CISD2: variants seen among roughly 807,000 people sequenced by gnomAD.
CISD2 encodes CDGSH iron sulfur domain 2, also known as CDGSH iron-sulfur domain-containing protein 2.
A neutral mutation model predicts 12.9 loss-of-function variants in CISD2; 1 was observed. The observed-to-expected ratio is 0.08, with a 90% CI of 0.03 to 0.37. The LOEUF (loss-of-function observed/expected upper bound fraction) is 0.37, where lower values mean the gene tolerates loss of function less well. Ranked by LOEUF, CISD2 falls within the 10% of genes least tolerant of loss-of-function variation. The pLI is 0.99. For synonymous variants in CISD2, 50 were observed against 60.6 expected (o/e 0.83, Z 0.81); for missense variants, 97 against 163.1 (o/e 0.59, Z 2.21).
chr4:102,875,946 G>T (rs1482554757), intron 1 of CISD2, among the ~76,000 whole-genome samples: 1 of 152,140 alleles, frequency 6.6e-6, no homozygotes, highest in African/African-American at 2.4e-5. Context: ...CTGCTTAAAG[G>T]TTCTTTTTTC....
Position 102,891,771 on chromosome 4 carries a change from C to A in CISD2, c.*4341C>A, listed in dbSNP as rs946942701. 2 of 152,088 alleles carry A rather than the reference C, an allele frequency of 1.3e-5. No homozygotes were observed. The highest frequency in any genetic ancestry group is 2.4e-5 in the African/African-American group (1 of 41,412). 9.4% of individuals were successfully genotyped at this position (152,088 alleles called of 1,614,324 possible). Reference sequence around the variant, plus strand: ...TGAGGAAAACTAAATAAAGCAGTAGCAATTTAAGTCATAATAAATTTTGTT... The same window carrying A: ...TGAGGAAAACTAAATAAAGCAGTAGAAATTTAAGTCATAATAAATTTTGTT... On this transcript the variant is annotated 3_prime_UTR_variant, in exon 3 of 3. Transcript: ENST00000273986.
intron 2 of CISD2, among the ~76,000 whole-genome samples, chr4:102,886,793 T>C (rs1733947286): frequency 6.6e-6 from 1 of 152,078 alleles, no homozygotes; most frequent in Non-Finnish European, 1.5e-5. Flanking sequence ...TTTGTATTTT[T>C]AGTTAGAGAT....
intron 1 of CISD2, among the ~76,000 whole-genome samples, chr4:102,878,430 G>C (rs1337993494): frequency 6.6e-6 from 1 of 152,086 alleles, no homozygotes; most frequent in East Asian, 1.9e-4. Context: ...GCACCCAGCT[G>C]GGTTTTTCTT....
At chr4:102,880,551 G>A (rs191916229) in intron 1 of CISD2, among the ~76,000 whole-genome samples, 4 of 152,022 alleles carry the variant, frequency 2.6e-5, no homozygotes, top group Non-Finnish European at 4.4e-5. Flanking sequence ...GGTGGCGCAC[G>A]TCCATAATCC....
chr4:102,879,264 A>G (rs968728627), intron 1 of CISD2, among the ~76,000 whole-genome samples: 2 of 152,042 alleles, frequency 1.3e-5, no homozygotes, highest in Middle Eastern at 3.4e-3. Flanking sequence ...GTAAATATTT[A>G]ATTTTTATAG....
intron 1 of CISD2, among the ~76,000 whole-genome samples, chr4:102,878,261 G>A (rs926433315): frequency 8.6e-5 from 13 of 151,946 alleles, no homozygotes; most frequent in East Asian, 3.9e-4. Flanking sequence ...TCAGCCTCCC[G>A]AGTAGAACTA....
intron 1 of CISD2, among the ~76,000 whole-genome samples, chr4:102,881,054 G>A (rs891301679): frequency 8.6e-5 from 13 of 151,526 alleles, no homozygotes; most frequent in African/African-American, 3.2e-4. Flanking sequence ...TCCTTTCAAA[G>A]TATCTAAAAT....
chr4:102,874,421 A>G (rs1733543614), intron 1 of CISD2: 1 of 152,216 alleles, frequency 6.6e-6, no homozygotes, highest in Admixed American at 6.5e-5. Context: ...AAACCTCAGC[A>G]TCACACAATA....
At position 102,891,633 on chromosome 4, in the gene CISD2, T is replaced by G. The variant is rs1369734748; in HGVS notation, c.*4203T>G. ...TGGAAAATTTATATGTAAAATATAT[T>G]GACTTACTCGATGATTGGAGGCTTT... On this transcript the variant is annotated 3_prime_UTR_variant, in exon 3 of 3. Coordinates refer to ENST00000273986, the MANE Select transcript of CISD2 (RefSeq NM_001008388.5). 6.6e-6 allele frequency: 1 copy of G among 152,240 alleles called. No homozygotes were observed. The highest frequency in any genetic ancestry group is 1.5e-5 in the Non-Finnish European group (1 of 68,038). The allele number at this position is 152,240 out of a possible 1,614,324, so 9.4% of individuals were successfully genotyped here.
intron 1 of CISD2, 200 bp downstream of exon 1, chr4:102,869,387 A>G (rs1282207416): frequency 2.7e-6 from 2 of 743,892 alleles, no homozygotes; most frequent in South Asian, 1.5e-5. Context: ...TTGATGCCCC[A>G]GGGTCTTTTG....
chr4:102,891,638 T>C lies in CISD2; in HGVS notation c.*4208T>C, dbSNP rs1734254240. On this transcript the variant is annotated 3_prime_UTR_variant, in exon 3 of 3. Coordinates refer to ENST00000273986, the MANE Select transcript of CISD2 (RefSeq NM_001008388.5). ...AATTTATATGTAAAATATATTGACT[T>C]ACTCGATGATTGGAGGCTTTATCAC... is the stretch of plus-strand genomic sequence containing the variant. 1 of 152,238 alleles carries C rather than the reference T, an allele frequency of 6.6e-6. No homozygotes were observed. The highest frequency in any genetic ancestry group is 2.1e-4 in the South Asian group (1 of 4,834). The allele number at this position is 152,238 out of a possible 1,614,324, so 9.4% of individuals were successfully genotyped here. A position where few individuals can be genotyped will look rare whatever the true frequency, so the allele number is the denominator to read the frequency against.
intron 1 of CISD2, among the ~76,000 whole-genome samples, chr4:102,875,565 A>G (rs1210459788): frequency 6.6e-6 from 1 of 152,246 alleles, no homozygotes; most frequent in East Asian, 1.9e-4. Context: ...GTCATTATTC[A>G]TAAGCCATGA....
chr4:102,880,324 A>G (rs1269361718), intron 1 of CISD2, among the ~76,000 whole-genome samples: 1 of 152,212 alleles, frequency 6.6e-6, no homozygotes, highest in Admixed American at 6.5e-5. Flanking sequence ...ACTGATATTA[A>G]GGAGTTGGGG....
chr4:102,882,191 C>T (rs1733737411), intron 1 of CISD2, among the ~76,000 whole-genome samples: 1 of 152,092 alleles, frequency 6.6e-6, no homozygotes, highest in Non-Finnish European at 1.5e-5. Flanking sequence ...AACCCTGTCT[C>T]AAAAATAAAT....
intron 1 of CISD2, among the ~76,000 whole-genome samples, chr4:102,879,773 AAAAC>A (rs969461514): frequency 6.6e-5 from 10 of 152,052 alleles, no homozygotes; most frequent in African/African-American, 9.7e-5. Context: ...CTCCATCTCA[AAAAC>A]AAACAAACAA....
Position 102,889,253 on chromosome 4 carries a change from T to C in CISD2, c.*1823T>C, listed in dbSNP as rs2110406865. ...ACAGCATTGCTCTCACTTCTTTGAC[T>C]CTGGGTGCTTTTTCGGATACATTTT... On this transcript the variant is annotated 3_prime_UTR_variant, in exon 3 of 3. Coordinates refer to ENST00000273986, the MANE Select transcript of CISD2 (RefSeq NM_001008388.5). The C allele has an allele frequency of 6.6e-6, 1 of 152,544 alleles. No homozygotes were observed. The highest frequency in any genetic ancestry group is 2.1e-4 in the South Asian group (1 of 4,834). The allele number at this position is 152,544 out of a possible 1,614,324, so 9.4% of individuals were successfully genotyped here. A position where few individuals can be genotyped will look rare whatever the true frequency, so the allele number is the denominator to read the frequency against.
Position 102,887,779 on chromosome 4 carries a change from A to AT in CISD2, c.*355dup, listed in dbSNP as rs1323476489. ...TCCCACCTACATTGTTAAATATGTT[A>AT]TTTTTTCATATCTCTTTTGGTTTTG... is the stretch of plus-strand genomic sequence containing the variant. On this transcript the variant is annotated 3_prime_UTR_variant, in exon 3 of 3. Transcript: ENST00000273986. 5.9e-6 allele frequency: 1 copy of AT among 169,524 alleles called. No individual in the cohort carries two copies. The highest frequency in any genetic ancestry group is 1.3e-5 in the Non-Finnish European group (1 of 78,858). 10.5% of individuals were successfully genotyped at this position (169,524 alleles called of 1,614,324 possible).
chr4:102,885,999 G>A (rs1459951889), intron 2 of CISD2, among the ~76,000 whole-genome samples: 1 of 152,114 alleles, frequency 6.6e-6, no homozygotes, highest in East Asian at 1.9e-4. Context: ...TCTGTTTCTT[G>A]TACTTGATCA....
intron 1 of CISD2, among the ~76,000 whole-genome samples, chr4:102,873,419 A>G (rs1733512264): frequency 1.3e-5 from 2 of 151,976 alleles, no homozygotes; most frequent in Admixed American, 6.6e-5. Context: ...CTACAGGTGC[A>G]CGCTACCACA....
Sources: gnomAD v4.1 joint callset for allele counts (sites outside exome capture counted in the v4.1 genomes callset) on GRCh38, gnomAD v4.1.1 for gene constraint, MANE v1.5 for transcripts, NCBI Gene and HGNC (gene_info 2026-07-23, HGNC 2026-07-21) for gene names.